FNDC1: variants seen among roughly 807,000 people sequenced by gnomAD.
FNDC1 encodes the protein fibronectin type III domain-containing protein 1.
In FNDC1, 96 loss-of-function variants were observed where a neutral mutation model predicts 168.0. That is an observed-to-expected ratio of 0.57 (90% CI 0.48 to 0.68). The LOEUF (loss-of-function observed/expected upper bound fraction) is 0.68. Ranked by LOEUF, FNDC1 falls within the 30% of genes least tolerant of loss-of-function variation. The pLI, the probability that FNDC1 is intolerant of heterozygous loss-of-function variation, is 0.00. For synonymous variants in FNDC1, 1,099 were observed against 1,025.9 expected, an observed-to-expected ratio of 1.07 and a Z score of -1.36; for missense variants, 2,587 against 2,482.1, an observed-to-expected ratio of 1.04 and a Z score of -0.90.
In FNDC1 at chr6:159,260,406, A is replaced by G. The variant is rs977241109; in HGVS notation, c.5175-784A>G. ...TCCAGATGAGCTAGTTGACTCAGGC[A>G]TCATGCTTTCCAGCACATTCTCTGT... On this transcript the variant is annotated intron_variant, in intron 18 of 22. Transcript: ENST00000297267. Among the ~76,000 whole-genome samples, 5 of 152,340 alleles carry G rather than the reference A, an allele frequency of 3.3e-5. No homozygotes were observed. The East Asian group carries it at 5.8e-4, about 18-fold the overall frequency.
intron 13 of FNDC1, 70 bp downstream of exon 13, chr6:159,238,735 C>A: frequency 1.0e-6 from 1 of 1,004,724 alleles, no homozygotes. Flanking sequence ...TTCTATCTTC[C>A]TTCTCCCCCT....
chr6:159,215,319 C>T (rs958485982), intron 5 of FNDC1, among the ~76,000 whole-genome samples, 168 bp downstream of exon 5: 1 of 152,216 alleles, frequency 6.6e-6, no homozygotes, highest in Admixed American at 6.5e-5. Flanking sequence ...TCCTGGACGC[C>T]ATCATTTTAA....
At chr6:159,192,282 C>T (rs1233028870) in intron 1 of FNDC1, among the ~76,000 whole-genome samples, 1 of 152,160 alleles carries the variant, frequency 6.6e-6, no homozygotes, top group African/African-American at 2.4e-5. Context: ...AACTATATGT[C>T]ATTAAAAAAT....
intron 4 of FNDC1, among the ~76,000 whole-genome samples, chr6:159,201,361 A>G (rs294921): frequency 0.47 from 72,139 of 152,042 alleles, 19,223 homozygotes; most frequent in African/African-American, 0.72. Flanking sequence ...CAGATTTGAT[A>G]GTGTAGGTGG....
chr6:159,258,416 T>G, intron 18 of FNDC1, among the ~76,000 whole-genome samples: 1 of 151,362 alleles, frequency 6.6e-6, no homozygotes. Context: ...GAGAGGGGAG[T>G]CATATGAGGT....
rs1219195662 is a variant in FNDC1, at chr6:159,239,674, C to A, written c.4338C>A (p.Pro1446=). Residue 1446 remains proline (P), a synonymous_variant, in exon 14 of 23, where the codon CCC becomes CCA. Transcript: ENST00000297267. ...GLEVIKKTTH[P]PTTTMQPTTT... is the part of the protein sequence containing the mutation. ...AGGTCATCAAAAAAACCACCCATCC[C>A]CCTACCACTACCATGCAGCCCACCA... The A allele has an allele frequency of 6.4e-7, 1 of 1,551,556 alleles. No homozygotes were observed. The highest frequency in any genetic ancestry group is 1.4e-5 in the African/African-American group (1 of 73,012).
intron 1 of FNDC1, among the ~76,000 whole-genome samples, chr6:159,171,902 A>C (rs1408403941): frequency 6.6e-6 from 1 of 152,206 alleles, no homozygotes; most frequent in Non-Finnish European, 1.5e-5. Flanking sequence ...AGTAATACTA[A>C]GATTACTAAG....
intron 9 of FNDC1, among the ~76,000 whole-genome samples, chr6:159,228,866 G>C (rs1022777697): frequency 1.3e-5 from 2 of 151,996 alleles, no homozygotes; most frequent in Non-Finnish European, 2.9e-5. Context: ...ATAGAGACGG[G>C]GGTTTCACCC....
rs554959439 is a variant in FNDC1 at position 159,233,013 on chromosome 6, G to A, written c.2501G>A (p.Arg834Lys). The A allele has an allele frequency of 6.2e-7, 1 of 1,612,852 alleles. No individual in the cohort carries two copies. The highest frequency in any genetic ancestry group is 1.3e-5 in the African/African-American group (1 of 75,032). ...GCTGCCAACGGGAGGTCTCCAAGCAGGTTCAGCATTGGGCGGGGACCTCGG... is the reference window on the plus strand; with the variant it reads ...GCTGCCAACGGGAGGTCTCCAAGCAAGTTCAGCATTGGGCGGGGACCTCGG... ...PFAANGRSPS[R>K]FSIGRGPRLQ... is the part of the protein sequence containing the mutation. Residue 834 changes from arginine (R) to lysine (K), a missense_variant, in exon 11 of 23, where the codon AGG becomes AAG. Physicochemically the swap from Arg to Lys is conservative, Grantham distance 26 (BLOSUM62 2). Coordinates refer to ENST00000297267, the MANE Select transcript of FNDC1 (RefSeq NM_032532.3). This position sits in a 1 kb window ranked among gnomAD's most constrained non-coding sequence, Gnocchi z 4.6.
intron 2 of FNDC1, among the ~76,000 whole-genome samples, chr6:159,198,959 A>G (rs1246466698): frequency 6.6e-6 from 1 of 152,258 alleles, no homozygotes; most frequent in Non-Finnish European, 1.5e-5. Context: ...TCTTGATCAC[A>G]GCAGGCATCC....
In FNDC1 at chr6:159,233,322, A is replaced by T; in HGVS notation, c.2810A>T (p.His937Leu). The change falls in exon 11 of 23, where the codon CAT becomes CTT. Residue 937 changes from histidine (H) to leucine (L), a missense_variant. By Grantham distance (99) the His-to-Leu change is moderately conservative. Transcript: ENST00000297267. This position sits in a 1 kb window ranked among gnomAD's most constrained non-coding sequence, Gnocchi z 4.6. ...ENPKSTGADT[H>L]PQGKYSSLAS... is the part of the protein sequence containing the mutation. ...CCCAAATCCACAGGGGCAGATACAC[A>T]TCCTCAGGGCAAGTACTCCTCCCTG... 1 of 1,613,886 alleles carries T rather than the reference A, an allele frequency of 6.2e-7. No homozygotes were observed. Among genetic ancestry groups the T allele is most frequent in the Non-Finnish European group, 8.5e-7 (1 of 1,179,860 alleles).
chr6:159,192,019 G>A (rs1370409285), intron 1 of FNDC1, among the ~76,000 whole-genome samples: 1 of 152,088 alleles, frequency 6.6e-6, no homozygotes, highest in Admixed American at 6.6e-5. Flanking sequence ...ACAGGTGCAC[G>A]ACACCATGTC....
intron 16 of FNDC1, 30 bp from the exon 17 acceptor site, chr6:159,251,272 A>C: frequency 1.3e-5 from 20 of 1,518,264 alleles, no homozygotes; most frequent in Non-Finnish European, 1.6e-5. Context: ...GCCTCCAGCA[A>C]TCCAATTGGT....
In FNDC1 at chr6:159,271,354, C is replaced by T. The variant is rs896001050; in HGVS notation, c.5597C>T (p.Pro1866Leu). ...QGYYRQYRQE[P>L]VRFGNIGFGT... is the part of the protein sequence containing the mutation. The stretch of plus-strand genomic sequence containing the variant: ...TACTATCGCCAGTATCGTCAGGAGC[C>T]TGTCAGGTTTGGGAACATCGGCTTC... The change falls in exon 23 of 23, where the codon CCT becomes CTT. Residue 1866 changes from proline (P) to leucine (L), a missense_variant. Physicochemically the swap from Pro to Leu is moderately conservative, Grantham distance 98 (BLOSUM62 -3). Transcript: ENST00000297267. 2.5e-6 allele frequency: 4 copies of T among 1,611,792 alleles called. No individual in the cohort carries two copies. The highest frequency in any genetic ancestry group is 3.4e-6 in the Non-Finnish European group (4 of 1,179,040).
At chr6:159,242,951 C>T (rs946125351) in intron 14 of FNDC1, among the ~76,000 whole-genome samples, 5 of 152,108 alleles carry the variant, frequency 3.3e-5, no homozygotes, top group Non-Finnish European at 7.4e-5. Context: ...GTTATTTCCA[C>T]TTTTTGGTTA....
chr6:159,197,497 G>A lies in FNDC1; in HGVS notation c.176G>A (p.Trp59Ter). Residue 59 changes from tryptophan to a stop codon, truncating the protein, a stop_gained, in exon 2 of 23, where the codon TGG becomes TAG. Transcript: ENST00000297267. LOFTEE classifies it high-confidence loss of function. ...LSTKMGLKVT[W>*]DPPKDATSRP... ...ACTAAAATGGGCCTGAAAGTCACGTGGGACCCACCCAAAGATGCTACCAGT... is the reference window on the plus strand; with the variant it reads ...ACTAAAATGGGCCTGAAAGTCACGTAGGACCCACCCAAAGATGCTACCAGT... The A allele has an allele frequency of 6.2e-7, 1 of 1,613,920 alleles. No homozygotes were observed.
At chr6:159,256,470 T>C in intron 17 of FNDC1, 53 bp from the exon 18 acceptor site, 1 of 1,328,886 alleles carries the variant, frequency 7.5e-7, no homozygotes, top group South Asian at 1.2e-5. Context: ...TTACATCTTG[T>C]GTGTGACTTG....
intron 17 of FNDC1, among the ~76,000 whole-genome samples, chr6:159,255,312 G>A (rs1777350815): frequency 6.6e-6 from 1 of 152,050 alleles, no homozygotes; most frequent in South Asian, 2.1e-4. Flanking sequence ...CCACTACCTG[G>A]AATCCATCCC....
At chr6:159,171,316 A>C (rs147610294) in intron 1 of FNDC1, among the ~76,000 whole-genome samples, 142 of 152,294 alleles carry the variant, frequency 9.3e-4, no homozygotes, top group Non-Finnish European at 1.7e-3. Flanking sequence ...AAATCTACTA[A>C]ATTTAAATTA....
Sources: gnomAD v4.1 joint callset for allele counts (sites outside exome capture counted in the v4.1 genomes callset) on GRCh38, gnomAD v4.1.1 for gene constraint, Gnocchi (gnomAD v3.1) non-coding constraint, MANE v1.5 for transcripts, NCBI Gene and HGNC (gene_info 2026-07-23, HGNC 2026-07-21) for gene names.